Variants in CEBPZ observed in about 807,000 individuals in gnomAD.
CEBPZ encodes CCAAT enhancer binding protein zeta, also known as CCAAT/enhancer-binding protein zeta.
Under a neutral mutation model 104.5 loss-of-function variants are expected in CEBPZ, and 78 were observed. The observed-to-expected ratio is 0.75, with a 90% CI of 0.62 to 0.90. The LOEUF (loss-of-function observed/expected upper bound fraction) is 0.90, where lower values mean the gene tolerates loss of function less well. Ranked by LOEUF, CEBPZ falls within the 40% of genes least tolerant of loss-of-function variation. The pLI is 0.00. For missense variants in CEBPZ, 1,439 were observed against 1,233.5 expected (o/e 1.17, Z -2.50); for synonymous variants, 470 against 427.0 (o/e 1.10, Z -1.24).
At chr2:37,204,893 C>G (rs1438889667) in intron 13 of CEBPZ, among the ~76,000 whole-genome samples, 2 of 152,112 alleles carry the variant, frequency 1.3e-5, no homozygotes, top group African/African-American at 2.4e-5. Context: ...TCTTTTTTAA[C>G]ATTAAAAAAT....
At chr2:37,230,358 G>A (rs1665027144) in intron 1 of CEBPZ, among the ~76,000 whole-genome samples, 1 of 152,196 alleles carries the variant, frequency 6.6e-6, no homozygotes, top group Non-Finnish European at 1.5e-5. Context: ...AAATGCAGTT[G>A]TAAAAATAAT....
At chr2:37,214,737 G>T in intron 9 of CEBPZ, 149 bp downstream of exon 9, 1 of 485,968 alleles carries the variant, frequency 2.1e-6, no homozygotes, top group South Asian at 4.2e-5. Flanking sequence ...TTAAAACTAA[G>T]GCCACTTCTC....
intron 13 of CEBPZ, 165 bp from the exon 14 acceptor site, chr2:37,203,173 G>C: frequency 2.1e-6 from 1 of 467,764 alleles, no homozygotes; most frequent in Admixed American, 4.1e-5. Context: ...TTAAGAGTTA[G>C]TATATAATAT....
chr2:37,218,049 C>A (rs557310983), intron 5 of CEBPZ, among the ~76,000 whole-genome samples: 1 of 151,668 alleles, frequency 6.6e-6, no homozygotes, highest in African/African-American at 2.4e-5. Flanking sequence ...GGGCGGATCA[C>A]GAGGTCAGGA....
intron 5 of CEBPZ, among the ~76,000 whole-genome samples, chr2:37,217,379 T>G (rs1664636146): frequency 6.6e-6 from 1 of 151,578 alleles, no homozygotes; most frequent in Admixed American, 6.6e-5. Context: ...CCAGCCTGGG[T>G]GACAGAGTGA....
intron 2 of CEBPZ, among the ~76,000 whole-genome samples, chr2:37,225,371 T>C (rs1445706442): frequency 2.6e-5 from 4 of 151,846 alleles, no homozygotes; most frequent in African/African-American, 9.7e-5. Context: ...TAGAAAGAAG[T>C]AGACATAGGA....
Position 37,222,377 on chromosome 2 carries a change from C to A in CEBPZ, c.2065+3G>T. On this transcript the variant is annotated splice_donor_region_variant and intron_variant, in intron 4 of 15. Transcript: ENST00000234170. ...CTAGAGAATAAAGATGAAAAAAACT[C>A]ACCTTTCAAATTATCAAAGTGCACC... 1 of 1,568,160 alleles carries A rather than the reference C, an allele frequency of 6.4e-7. No homozygotes were observed. The highest frequency in any genetic ancestry group is 8.6e-7 in the Non-Finnish European group (1 of 1,164,130).
chr2:37,220,362 A>G (rs1048309079), intron 5 of CEBPZ, 23 bp downstream of exon 5: 9 of 1,211,630 alleles, frequency 7.4e-6, no homozygotes, highest in East Asian at 4.9e-5. Context: ...AAATGAATAA[A>G]AGACAATTTG....
intron 1 of CEBPZ, 28 bp downstream of exon 1, chr2:37,231,384 C>A (rs756160330): frequency 6.2e-7 from 1 of 1,613,280 alleles, no homozygotes. Context: ...CACGCCTGAT[C>A]CCGTTCCCCG....
intron 12 of CEBPZ, 27 bp from the exon 13 acceptor site, chr2:37,211,109 A>G (rs1677707994): frequency 6.7e-7 from 1 of 1,501,996 alleles, no homozygotes; most frequent in African/African-American, 1.4e-5. Context: ...TTTGCTAATA[A>G]GCAATTTAAA....
intron 4 of CEBPZ, among the ~76,000 whole-genome samples, chr2:37,220,988 C>A (rs1664757372): frequency 6.6e-6 from 1 of 151,776 alleles, no homozygotes; most frequent in Non-Finnish European, 1.5e-5. Context: ...CAGAGCAAGA[C>A]CCTGACTCAA....
At chr2:37,216,009 G>T in intron 8 of CEBPZ, 131 bp downstream of exon 8, 1 of 650,466 alleles carries the variant, frequency 1.5e-6, no homozygotes, top group Non-Finnish European at 2.4e-6. Flanking sequence ...ACCTATTCTT[G>T]GGAAAAAAGA....
In CEBPZ at chr2:37,213,894, C is replaced by G; in HGVS notation, c.2515G>C (p.Val839Leu). Residue 839 changes from valine (V) to leucine (L), a missense_variant, in exon 10 of 16, where the codon GTG (valine) becomes CTG (leucine). Transcript: ENST00000234170. ...RDADEESIED[V>L]DDEEFEELID... ...AGCTCTTCAAATTCTTCATCATCCACGTCTTCTATACTTTCTTCATCTGCA... is the reference window on the plus strand; with the variant it reads ...AGCTCTTCAAATTCTTCATCATCCAGGTCTTCTATACTTTCTTCATCTGCA... 6.2e-7 allele frequency: 1 copy of G among 1,606,968 alleles called. No individual in the cohort carries two copies. Among genetic ancestry groups the G allele is most frequent in the Middle Eastern group, 1.7e-4 (1 of 6,050 alleles).
At chr2:37,230,814 C>A (rs759033742) in intron 1 of CEBPZ, among the ~76,000 whole-genome samples, 3 of 152,130 alleles carry the variant, frequency 2.0e-5, no homozygotes, top group East Asian at 1.9e-4. Context: ...CAGCTCACTC[C>A]TTCCTGTCCT....
Position 37,212,324 on chromosome 2 carries a change from A to G in CEBPZ, c.2603+11T>C. On this transcript the variant is annotated intron_variant, in intron 11 of 15. Coordinates refer to ENST00000234170, the MANE Select transcript of CEBPZ (RefSeq NM_005760.3). ...TAGAAAAATAGGAAGGAGAAGATAG[A>G]AGTATGTTACCCAGCAAAATCCATA... 1 of 1,610,048 alleles carries G rather than the reference A, an allele frequency of 6.2e-7. No homozygotes were observed. Among genetic ancestry groups the G allele is most frequent in the Non-Finnish European group, 8.5e-7 (1 of 1,176,534 alleles).
intron 4 of CEBPZ, 71 bp from the exon 5 acceptor site, chr2:37,220,544 AC>A: frequency 1.4e-6 from 1 of 719,726 alleles, no homozygotes; most frequent in South Asian, 1.9e-5. Flanking sequence ...TAAAAGCACC[AC>A]CATTAATATT....
intron 13 of CEBPZ, among the ~76,000 whole-genome samples, chr2:37,205,556 C>A (rs753132290): frequency 6.6e-6 from 1 of 152,194 alleles, no homozygotes; most frequent in Non-Finnish European, 1.5e-5. Context: ...GGACTCAGCC[C>A]GCCTGCACCC....
intron 13 of CEBPZ, among the ~76,000 whole-genome samples, chr2:37,207,458 C>T (rs528387242): frequency 6.6e-6 from 1 of 152,282 alleles, no homozygotes; most frequent in African/African-American, 2.4e-5. Context: ...AGTACCCTCT[C>T]ACACCACAGT....
intron 5 of CEBPZ, among the ~76,000 whole-genome samples, chr2:37,217,274 G>A (rs1183673743): frequency 6.6e-6 from 1 of 151,996 alleles, no homozygotes; most frequent in Non-Finnish European, 1.5e-5. Context: ...GTGCGCGCGT[G>A]CCTGTACTCC....
Sources: gnomAD v4.1 joint callset for allele counts (sites outside exome capture counted in the v4.1 genomes callset) on GRCh38, gnomAD v4.1.1 for gene constraint, MANE v1.5 for transcripts, NCBI Gene and HGNC (gene_info 2026-07-23, HGNC 2026-07-21) for gene names.